UTRN: variants seen among roughly 807,000 people sequenced by gnomAD.
UTRN encodes the protein utrophin.
A neutral mutation model predicts 463.9 loss-of-function variants in UTRN; 283 were observed. That is an observed-to-expected ratio of 0.61 (90% confidence interval 0.55 to 0.67). UTRN has a LOEUF of 0.67. Among genes scored for constraint, UTRN ranks in the 30% least tolerant of loss-of-function variants. The pLI, the probability that UTRN is intolerant of heterozygous loss-of-function variation, is 0.00. For missense variants in UTRN, 3,922 were observed against 4,084.3 expected (o/e 0.96, Z 1.08); for synonymous variants, 1,442 against 1,431.5 (o/e 1.01, Z -0.17).
At chr6:144,386,490 T>A (rs1272890440) in intron 2 of UTRN, among the ~76,000 whole-genome samples, 1 of 152,200 alleles carries the variant, frequency 6.6e-6, no homozygotes, top group African/African-American at 2.4e-5. Context: ...TAGTAGTTTA[T>A]GTGAACCTTT....
chr6:144,555,192 C>A (rs761015499), intron 49 of UTRN, among the ~76,000 whole-genome samples: 2 of 152,174 alleles, frequency 1.3e-5, no homozygotes, highest in Non-Finnish European at 2.9e-5. Context: ...CAGGAACCCT[C>A]TTTTGCTCCC....
Position 144,839,268 on chromosome 6 carries a change from A to G in UTRN, c.10161A>G (p.Pro3387=), listed in dbSNP as rs371000035. ...SYSLDPDASG[P]QFHQAAGEDL... ...CGCTTGATCCAGATGCCTCCGGCCC[A>G]CAGTTCCACCAGGCAGGTCGGTGTC... Residue 3387 remains proline (P), a synonymous_variant, in exon 72 of 75, where the codon CCA becomes CCG. Coordinates refer to ENST00000367545, the MANE Select transcript of UTRN (RefSeq NM_007124.3). 1.9e-6 allele frequency: 3 copies of G among 1,613,556 alleles called. No homozygotes were observed. The African/African-American group carries it at 4.0e-5, about 22-fold the overall frequency.
chr6:144,443,265 A>C (rs1176718311), intron 13 of UTRN, among the ~76,000 whole-genome samples: 1 of 152,218 alleles, frequency 6.6e-6, no homozygotes, highest in Non-Finnish European at 1.5e-5. Flanking sequence ...TGTGATATTT[A>C]AAGTCAGCCA....
chr6:144,492,234 C>G (rs1584999630), intron 32 of UTRN, among the ~76,000 whole-genome samples: 1 of 152,076 alleles, frequency 6.6e-6, no homozygotes, highest in Non-Finnish European at 1.5e-5. Context: ...TGCATGTGTG[C>G]CCATTGTTTA....
At chr6:144,474,257 C>T (rs1364475609) in intron 24 of UTRN, among the ~76,000 whole-genome samples, 5 of 151,624 alleles carry the variant, frequency 3.3e-5, no homozygotes, top group Admixed American at 6.6e-5. Flanking sequence ...ATGTTGTGCA[C>T]GTGTACCCTA....
intron 52 of UTRN, among the ~76,000 whole-genome samples, chr6:144,697,155 G>T (rs536015515): frequency 1.3e-5 from 2 of 152,058 alleles, no homozygotes; most frequent in African/African-American, 4.8e-5. Context: ...CATCATCCTA[G>T]GTTGATAATA....
chr6:144,797,743 A>G (rs766510420), intron 63 of UTRN, 81 bp from the exon 64 acceptor site: 44 of 1,434,590 alleles, frequency 3.1e-5, no homozygotes, highest in Non-Finnish European at 3.8e-5. Flanking sequence ...ACAAATTTTC[A>G]GAAGATTATG....
At chr6:144,827,807 T>C (rs1780323118) in intron 68 of UTRN, 131 bp downstream of exon 68, 11 of 1,106,230 alleles carry the variant, frequency 9.9e-6, no homozygotes, top group Non-Finnish European at 1.4e-5. Flanking sequence ...TCCATTATAT[T>C]TGGAATTTGG....
At chr6:144,759,461 G>C (rs1792390634) in intron 58 of UTRN, among the ~76,000 whole-genome samples, 1 of 152,068 alleles carries the variant, frequency 6.6e-6, no homozygotes, top group Non-Finnish European at 1.5e-5. Flanking sequence ...CTGATGTACT[G>C]TGGTAGGCAA....
At position 144,548,863 on chromosome 6, in the gene UTRN, A is replaced by G. The variant is rs772512980; in HGVS notation, c.6810+9A>G. The stretch of plus-strand genomic sequence containing the variant: ...CCGTTTCCCGAATGAAAGTAGGTGC[A>G]TAGTGTAAAAGCTTGTCATGGAAAC... On this transcript the variant is annotated intron_variant, in intron 47 of 74. Coordinates refer to ENST00000367545, the MANE Select transcript of UTRN (RefSeq NM_007124.3). 1.9e-5 allele frequency: 31 copies of G among 1,613,144 alleles called. No homozygotes were observed. Among genetic ancestry groups the G allele is most frequent in the Non-Finnish European group, 2.5e-5 (30 of 1,179,636 alleles).
chr6:144,466,327 G>A (rs921561742), intron 23 of UTRN, among the ~76,000 whole-genome samples: 4 of 152,174 alleles, frequency 2.6e-5, no homozygotes, highest in African/African-American at 9.7e-5. Flanking sequence ...AGTTGTGTGC[G>A]AATTTCAGTT....
At chr6:144,796,240 T>C (rs1053880083) in intron 63 of UTRN, among the ~76,000 whole-genome samples, 4 of 152,200 alleles carry the variant, frequency 2.6e-5, no homozygotes, top group African/African-American at 9.7e-5. Context: ...TGGCATTATT[T>C]CTGAGATCTT....
At chr6:144,600,576 A>C (rs1804141614) in intron 51 of UTRN, among the ~76,000 whole-genome samples, 1 of 152,248 alleles carries the variant, frequency 6.6e-6, no homozygotes, top group Non-Finnish European at 1.5e-5. Context: ...GAGAGAGTTA[A>C]GGAAGCTACA....
Position 144,381,001 on chromosome 6 carries a change from A to T in UTRN, c.80-22122A>T, listed in dbSNP as rs372889073. 6.6e-3 allele frequency among the ~76,000 whole-genome samples: 971 copies of T among 146,626 alleles called. 10 individuals are homozygous for T. Among genetic ancestry groups the T allele is most frequent in the African/African-American group, 0.023 (916 of 39,914 alleles). ...CTTTTTTTCTTTCTTTTTTTTTTTC[A>T]TTTGAAGGATTTCTTTTTTAAACTT... is the stretch of plus-strand genomic sequence containing the variant. On this transcript the variant is annotated intron_variant, in intron 2 of 74. Coordinates refer to ENST00000367545, the MANE Select transcript of UTRN (RefSeq NM_007124.3).
In UTRN at chr6:144,503,095, GTTGT is replaced by G. The variant is rs1237917416; in HGVS notation, c.4764+3675_4764+3678del. On this transcript the variant is annotated intron_variant, in intron 34 of 74. Coordinates refer to ENST00000367545, the MANE Select transcript of UTRN (RefSeq NM_007124.3). ...TATCCTTCACCTACTTTTTGATGGA[GTTGT>G]TTGTTTTTTTCTTGTAAATTTGTTG... Among the ~76,000 whole-genome samples, 11 of 152,194 alleles carry G rather than the reference GTTGT, an allele frequency of 7.2e-5. No individual in the cohort carries two copies. In the South Asian group the frequency reaches 2.3e-3, roughly 32 times the overall value.
chr6:144,500,517 C>A (rs1794076155), intron 34 of UTRN, among the ~76,000 whole-genome samples: 1 of 152,114 alleles, frequency 6.6e-6, no homozygotes, highest in Admixed American at 6.5e-5. Flanking sequence ...GCATTACATT[C>A]ATGGATCATC....
At chr6:144,838,712 TAC>T (rs1781309041) in intron 71 of UTRN, among the ~76,000 whole-genome samples, 1 of 152,200 alleles carries the variant, frequency 6.6e-6, no homozygotes, top group Non-Finnish European at 1.5e-5. Context: ...TTCCCAGAAT[TAC>T]ACAGCTTATG....
At chr6:144,471,057 A>AGGGGGGTGAGGGGGT (rs1454781033) in intron 23 of UTRN, among the ~76,000 whole-genome samples, 3 of 21,460 alleles carry the variant, frequency 1.4e-4, no homozygotes, top group Admixed American at 5.9e-4. Flanking sequence ...AGGGAGGGGG[A>AGGGGGGTGAGGGGGT]GAGGGAGGGG....
At chr6:144,739,133 A>G (rs1789771989) in intron 54 of UTRN, among the ~76,000 whole-genome samples, 1 of 152,188 alleles carries the variant, frequency 6.6e-6, no homozygotes, top group South Asian at 2.1e-4. Context: ...GGTATGTAAT[A>G]TTTAACTCAG....
Sources: gnomAD v4.1 joint callset for allele counts (sites outside exome capture counted in the v4.1 genomes callset) on GRCh38, gnomAD v4.1.1 for gene constraint, MANE v1.5 for transcripts, NCBI Gene and HGNC (gene_info 2026-07-23, HGNC 2026-07-21) for gene names.